Variants in THBS4 observed in about 807,000 individuals in gnomAD.
The protein encoded by THBS4 is thrombospondin 4.
Under a neutral mutation model 115.7 loss-of-function variants are expected in THBS4, and 90 were observed. That is an observed-to-expected ratio of 0.78 (90% confidence interval 0.66 to 0.93). The LOEUF is 0.93. Among genes scored for constraint, THBS4 ranks in the 40% least tolerant of loss-of-function variants. The probability of loss-of-function intolerance (pLI) is 0.00; values close to 1 mark genes in which losing one functional copy is unlikely to be tolerated. For missense variants in THBS4, 1,087 were observed against 1,232.7 expected (o/e 0.88, Z 1.77); for synonymous variants, 460 against 479.3 (o/e 0.96, Z 0.53).
At chr5:80,071,274 G>A (rs180685171) in intron 13 of THBS4, 94 bp downstream of exon 13, 1 of 1,490,440 alleles carries the variant, frequency 6.7e-7, no homozygotes, top group East Asian at 2.4e-5. Context: ...CTGATTCGGA[G>A]CCTTCCAGCT....
chr5:80,032,962 G>C (rs1832613975), upstream of THBS4, among the ~76,000 whole-genome samples: 1 of 152,116 alleles, frequency 6.6e-6, no homozygotes, highest in South Asian at 2.1e-4. Flanking sequence ...AATTTGCTAG[G>C]ATCGAAAATT....
chr5:80,082,977 G>T (rs1204792785), intron 21 of THBS4, 103 bp from the exon 22 acceptor site: 1 of 932,522 alleles, frequency 1.1e-6, no homozygotes, highest in South Asian at 1.6e-5. Context: ...CGTCCTGGGC[G>T]GGCTAACAGC....
chr5:80,000,456 A>T (rs954152821), intron 2 of THBS4, among the ~76,000 whole-genome samples: 8 of 152,064 alleles, frequency 5.3e-5, no homozygotes, highest in African/African-American at 1.7e-4. Flanking sequence ...CAGTAACTGG[A>T]GTCTTCCTCC....
chr5:80,082,642 C>T (rs1163790252), intron 21 of THBS4, 97 bp downstream of exon 21: 5 of 1,451,574 alleles, frequency 3.4e-6, no homozygotes, highest in Non-Finnish European at 4.8e-6. Context: ...AAAAGCCCAA[C>T]GCTCATACCA....
At chr5:80,069,946 ACTCT>A (rs376263769) in intron 10 of THBS4, among the ~76,000 whole-genome samples, 1 of 151,260 alleles carries the variant, frequency 6.6e-6, no homozygotes, top group Non-Finnish European at 1.5e-5. Flanking sequence ...TGCTCCTCAG[ACTCT>A]CTCCCTCTTC....
rs1021929097 is a variant in THBS4 at position 80,061,575 on chromosome 5, T to G, written c.988-120T>G. 3.7e-5 allele frequency: 49 copies of G among 1,335,242 alleles called. No homozygotes were observed. The Admixed American group carries it at 1.2e-3, about 31-fold the overall frequency. The allele number at this position is 1,335,242 out of a possible 1,614,324, so 82.7% of individuals were successfully genotyped here. A position where few individuals can be genotyped will look rare whatever the true frequency, so the allele number is the denominator to read the frequency against. On this transcript the variant is annotated intron_variant, in intron 7 of 21. Coordinates refer to ENST00000350881, the MANE Select transcript of THBS4 (RefSeq NM_003248.6). ...TGGAGTTGGAAGCCTTTATTTCCTT[T>G]TATTATTTTTTCCACCAAAAGATAG...
At chr5:80,031,023 G>C (rs1832577583), upstream of THBS4, among the ~76,000 whole-genome samples, 1 of 152,204 alleles carries the variant, frequency 6.6e-6, no homozygotes, top group Admixed American at 6.5e-5. Context: ...CCGCACAGGA[G>C]CAGGATAGAT....
At chr5:80,067,903 C>A (rs1464126160) in intron 9 of THBS4, 70 bp from the exon 10 acceptor site, 5 of 1,562,148 alleles carry the variant, frequency 3.2e-6, no homozygotes, top group South Asian at 1.2e-5. Flanking sequence ...TACACAATAA[C>A]TGTACCTTTG....
chr5:80,065,606 G>A, intron 9 of THBS4, 129 bp downstream of exon 9: 1 of 742,988 alleles, frequency 1.3e-6, no homozygotes, highest in Non-Finnish European at 2.0e-6. Context: ...GCAGAATAAA[G>A]GCAAAAGTTT....
intron 1 of THBS4, among the ~76,000 whole-genome samples, chr5:79,995,748 C>T (rs765260831): frequency 2.6e-5 from 4 of 151,768 alleles, no homozygotes; most frequent in Non-Finnish European, 5.9e-5. Flanking sequence ...CTATGGGATG[C>T]TGAGTAGATA....
At chr5:80,045,321 G>A (rs1016453474) in intron 2 of THBS4, among the ~76,000 whole-genome samples, 1 of 152,136 alleles carries the variant, frequency 6.6e-6, no homozygotes, top group African/African-American at 2.4e-5. Flanking sequence ...AACCCAAAGT[G>A]TTTGCTGTAA....
intron 17 of THBS4, 114 bp downstream of exon 17, chr5:80,078,341 C>T (rs1024157378): frequency 1.6e-4 from 140 of 882,786 alleles, no homozygotes; most frequent in Non-Finnish European, 7.2e-5. Context: ...TCTTCACATT[C>T]GCTCTTATTC....
chr5:80,050,543 T>C (rs1833222317), intron 2 of THBS4, among the ~76,000 whole-genome samples: 1 of 152,176 alleles, frequency 6.6e-6, no homozygotes, highest in Non-Finnish European at 1.5e-5. Flanking sequence ...GGCTTTACAA[T>C]AGTGATGTTC....
intron 20 of THBS4, among the ~76,000 whole-genome samples, chr5:80,081,161 T>C (rs569571580): frequency 6.6e-6 from 1 of 152,286 alleles, no homozygotes; most frequent in East Asian, 1.9e-4. Context: ...TGCATTCTCC[T>C]CATCAGGGCA....
chr5:80,042,921 G>T (rs1832950957), intron 2 of THBS4, among the ~76,000 whole-genome samples: 1 of 152,014 alleles, frequency 6.6e-6, no homozygotes, highest in Non-Finnish European at 1.5e-5. Context: ...AGCTGAGATT[G>T]TGCCGCTGCA....
chr5:80,073,561 T>C (rs1261850260), intron 15 of THBS4, among the ~76,000 whole-genome samples: 2 of 152,142 alleles, frequency 1.3e-5, no homozygotes, highest in African/African-American at 4.8e-5. Flanking sequence ...TTTTTTTGTA[T>C]TTTCAGTAGA....
At chr5:80,068,809 G>A (rs1401491662) in intron 10 of THBS4, 2 of 152,828 alleles carry the variant, frequency 1.3e-5, no homozygotes, top group Non-Finnish European at 2.9e-5. Flanking sequence ...AGCAGGGCCT[G>A]ACATGGGTCC....
At chr5:80,077,246 A>G (rs1743263903) in intron 16 of THBS4, among the ~76,000 whole-genome samples, 198 bp downstream of exon 16, 1 of 152,208 alleles carries the variant, frequency 6.6e-6, no homozygotes, top group South Asian at 2.1e-4. Context: ...CAACTCAGTC[A>G]GGACTGAGCT....
intron 1 of THBS4, among the ~76,000 whole-genome samples, chr5:79,993,985 GC>G (rs906089237): frequency 5.9e-5 from 9 of 152,156 alleles, no homozygotes; most frequent in Admixed American, 5.9e-4. Context: ...TCTTGACTTG[GC>G]CTCTGATTAG....
Sources: allele counts gnomAD v4.1 joint callset (sites outside exome capture counted in the v4.1 genomes callset), GRCh38; gene constraint gnomAD v4.1.1; transcripts MANE v1.5; gene names NCBI Gene and HGNC (gene_info 2026-07-23, HGNC 2026-07-21).